CDS1: variants seen among roughly 807,000 people sequenced by gnomAD.
CDS1 encodes the protein CDP-diacylglycerol synthase 1.
In CDS1, 41 loss-of-function variants were observed where a neutral mutation model predicts 62.1. The observed-to-expected ratio is 0.66, with a 90% CI of 0.51 to 0.86. The LOEUF is 0.86. CDS1 is among the 40% of genes least tolerant of loss of function. The pLI is 0.00. For missense variants in CDS1, 470 were observed against 550.1 expected (o/e 0.85, Z 1.46); for synonymous variants, 185 against 192.6 (o/e 0.96, Z 0.32).
At chr4:84,635,232 C>T (rs750874122) in intron 7 of CDS1, 32 bp from the exon 8 acceptor site, 1 of 1,148,454 alleles carries the variant, frequency 8.7e-7, no homozygotes, top group Non-Finnish European at 1.3e-6. Flanking sequence ...GAACTTTTTT[C>T]TGCTGACTTT....
At chr4:84,586,483 A>C (rs1350025330) in intron 1 of CDS1, among the ~76,000 whole-genome samples, 1 of 152,118 alleles carries the variant, frequency 6.6e-6, no homozygotes, top group East Asian at 1.9e-4. Flanking sequence ...TGCAGTTCAC[A>C]ACAGGGTTCA....
intron 5 of CDS1, among the ~76,000 whole-genome samples, chr4:84,623,009 C>T (rs1032441361): frequency 6.6e-6 from 1 of 152,172 alleles, no homozygotes; most frequent in Non-Finnish European, 1.5e-5. Flanking sequence ...GTGTAGAAAT[C>T]CTTAATTTTT....
At chr4:84,608,538 A>T (rs1723206130) in intron 2 of CDS1, among the ~76,000 whole-genome samples, 1 of 152,176 alleles carries the variant, frequency 6.6e-6, no homozygotes, top group South Asian at 2.1e-4. Context: ...ACTTTGAACA[A>T]CAGAAGTGTC....
chr4:84,647,027 T>A (rs372103522), intron 12 of CDS1, among the ~76,000 whole-genome samples: 9 of 152,210 alleles, frequency 5.9e-5, no homozygotes, highest in African/African-American at 2.2e-4. Flanking sequence ...TGTCTGTCTT[T>A]ACTGCTTGCC....
In CDS1 at chr4:84,640,902, A is replaced by T. The variant is rs1422576064; in HGVS notation, c.944A>T (p.Asn315Ile). The change falls in exon 10 of 13, where the codon AAC becomes ATC. Residue 315 changes from asparagine (N) to isoleucine (I), a missense_variant. Asn to Ile is a moderately radical substitution (Grantham distance 149). Around this residue, in one of 5 missense-constraint regions of CDS1, gnomAD observed 214 missense variants for 242.4 expected, o/e 0.88. Coordinates refer to ENST00000295887, the MANE Select transcript of CDS1 (RefSeq NM_001263.4). ...CCAGTGGAATACCGAAGTGATGTAA[A>T]CTCCTTCGTGACAGAATGTGAGCCC... ...VCPVEYRSDV[N>I]SFVTECEPSE... is the part of the protein sequence containing the mutation. 4 of 1,611,352 alleles carry T rather than the reference A, an allele frequency of 2.5e-6. No homozygotes were observed. Among genetic ancestry groups the T allele is most frequent in the Non-Finnish European group, 3.4e-6 (4 of 1,178,948 alleles).
chr4:84,588,876 G>C (rs535949492), intron 1 of CDS1, among the ~76,000 whole-genome samples: 1 of 152,166 alleles, frequency 6.6e-6, no homozygotes, highest in African/African-American at 2.4e-5. Context: ...ACAAAATTCA[G>C]TCCCCTCTCA....
chr4:84,598,063 T>C, intron 1 of CDS1, among the ~76,000 whole-genome samples: 1 of 150,774 alleles, frequency 6.6e-6, no homozygotes. Flanking sequence ...GAGGCAGAGA[T>C]TGCAGTGAGC....
intron 5 of CDS1, among the ~76,000 whole-genome samples, chr4:84,628,244 A>G (rs1455777624): frequency 1.3e-5 from 2 of 152,178 alleles, no homozygotes; most frequent in South Asian, 2.1e-4. Flanking sequence ...ATTAAGGGCT[A>G]TATGTGTTTA....
chr4:84,620,056 A>G (rs908126830), intron 5 of CDS1, among the ~76,000 whole-genome samples: 4 of 150,888 alleles, frequency 2.7e-5, no homozygotes, highest in African/African-American at 9.7e-5. Flanking sequence ...GAATCACTCC[A>G]TATGTTTGAA....
chr4:84,593,506 G>GT (rs34657842), intron 1 of CDS1, among the ~76,000 whole-genome samples: 52,906 of 149,004 alleles, frequency 0.36, 9,392 homozygotes, highest in East Asian at 0.53. Flanking sequence ...GGTTTTTTTT[G>GT]TTTTTTTTTT....
chr4:84,640,978 A>G lies in CDS1; in HGVS notation c.1020A>G (p.Ala340=), dbSNP rs777448946. 1.3e-6 allele frequency: 2 copies of G among 1,594,096 alleles called. No individual in the cohort carries two copies. Among genetic ancestry groups the G allele is most frequent in the Admixed American group, 3.5e-5 (2 of 56,376 alleles). ...QTYSLPPFLK[A]VLRQERVSLY... ...ACTCACTTCCACCCTTTCTAAAGGC[A>G]GTCTTGAGACAGGTACAGTAAAAGT... Residue 340 remains alanine, a synonymous_variant, in exon 10 of 13, where the codon GCA becomes GCG. Transcript: ENST00000295887.
At chr4:84,643,701 A>C (rs1476969336) in intron 11 of CDS1, among the ~76,000 whole-genome samples, 1 of 152,256 alleles carries the variant, frequency 6.6e-6, no homozygotes, top group Admixed American at 6.5e-5. Flanking sequence ...GCTGGATTTA[A>C]TAAAACTTTA....
At chr4:84,631,905 A>G (rs761912103) in intron 6 of CDS1, 28 bp downstream of exon 6, 1 of 1,495,098 alleles carries the variant, frequency 6.7e-7, no homozygotes, top group African/African-American at 1.4e-5. Context: ...TTCCTTAGTC[A>G]TTATCTGTGA....
Position 84,640,342 on chromosome 4 carries a change from T to C in CDS1, c.880-496T>C, listed in dbSNP as rs1724341164. On this transcript the variant is annotated intron_variant, in intron 9 of 12. Transcript: ENST00000295887. Reference sequence around the variant, plus strand: ...AATTTAAATTTATAACAGGATATCTTATTTTATGTATCTTATTTCCAAGGC... The same window carrying C: ...AATTTAAATTTATAACAGGATATCTCATTTTATGTATCTTATTTCCAAGGC... Among the ~76,000 whole-genome samples the C allele has an allele frequency of 2.0e-5, 3 of 151,888 alleles. No homozygotes were observed. The South Asian group carries it at 6.2e-4, about 31-fold the overall frequency.
At chr4:84,639,016 T>C in intron 9 of CDS1, 24 bp downstream of exon 9, 1 of 1,223,904 alleles carries the variant, frequency 8.2e-7, no homozygotes, top group Non-Finnish European at 1.1e-6. Context: ...AGATTTTTAT[T>C]TTGTATACAT....
At chr4:84,592,946 C>T (rs1722636421) in intron 1 of CDS1, among the ~76,000 whole-genome samples, 1 of 152,162 alleles carries the variant, frequency 6.6e-6, no homozygotes, top group African/African-American at 2.4e-5. Flanking sequence ...GGTCATTTCA[C>T]AAACAATATG....
intron 3 of CDS1, 148 bp from the exon 4 acceptor site, chr4:84,617,416 G>T (rs190385786): frequency 1.7e-6 from 1 of 576,708 alleles, no homozygotes; most frequent in Non-Finnish European, 3.1e-6. Flanking sequence ...TAGAGACATG[G>T]AATATTGCAT....
At chr4:84,599,998 C>A (rs1035064799) in intron 1 of CDS1, among the ~76,000 whole-genome samples, 1 of 152,134 alleles carries the variant, frequency 6.6e-6, no homozygotes, top group Non-Finnish European at 1.5e-5. Flanking sequence ...ACATTCTCAC[C>A]GGCAGTGCGC....
chr4:84,605,285 T>C (rs1412036757), intron 2 of CDS1, among the ~76,000 whole-genome samples: 5 of 152,174 alleles, frequency 3.3e-5, no homozygotes, highest in African/African-American at 1.2e-4. Context: ...TACTGTGTAA[T>C]ACCCTCTGAT....
Sources: allele counts gnomAD v4.1 joint callset (sites outside exome capture counted in the v4.1 genomes callset), GRCh38; gene constraint gnomAD v4.1.1; regional missense constraint gnomAD v4.1.1; transcripts MANE v1.5; gene names NCBI Gene and HGNC (gene_info 2026-07-23, HGNC 2026-07-21).